C7orf78: variants seen among roughly 807,000 people sequenced by gnomAD.
C7orf78 encodes putative uncharacterized protein C7orf78.
At chr7:12,486,883 T>C in the C7orf78 span, 1 of 150,762 alleles carries the variant, frequency 6.6e-6, no homozygotes. Context: ...AATAAACTGA[T>C]AAATTATTGT....
chr7:12,506,885 A>C, the C7orf78 span: 1 of 473,588 alleles, frequency 2.1e-6, no homozygotes, highest in Non-Finnish European at 4.3e-6. Context: ...TTGTATAACA[A>C]GTTTAAGAAC....
chr7:12,519,757 C>T, the C7orf78 span, among the ~76,000 whole-genome samples: 6 of 152,282 alleles, frequency 3.9e-5, no homozygotes, highest in South Asian at 4.1e-4. Flanking sequence ...GTACTGGGGA[C>T]CCCAAGCATC....
chr7:12,502,848 G>T, the C7orf78 span, among the ~76,000 whole-genome samples: 1 of 139,706 alleles, frequency 7.2e-6, no homozygotes, highest in Non-Finnish European at 1.5e-5. Context: ...GTCCAAGAAT[G>T]ATAGACTGGA....
chr7:12,532,547 TCAAAAAAAAAAAAAAGAAAAA>T, the C7orf78 span, among the ~76,000 whole-genome samples: 1 of 95,274 alleles, frequency 1.0e-5, no homozygotes, highest in Admixed American at 1.2e-4. Context: ...AGACTCTGTT[TCAAAAAAAAAAAAAAGAAAAA>T]GAAAAACCTT....
the C7orf78 span, among the ~76,000 whole-genome samples, chr7:12,499,133 C>G: frequency 6.6e-6 from 1 of 152,108 alleles, no homozygotes; most frequent in African/African-American, 2.4e-5. Context: ...CAAAATCATG[C>G]CAAAATGTAA....
chr7:12,521,135 T>G, the C7orf78 span, among the ~76,000 whole-genome samples: 1 of 152,094 alleles, frequency 6.6e-6, no homozygotes, highest in Non-Finnish European at 1.5e-5. Flanking sequence ...TTCTTGTAGG[T>G]AGCAAATAAT....
the C7orf78 span, chr7:12,542,062 T>C: frequency 1.2e-4 from 18 of 152,214 alleles, no homozygotes; most frequent in African/African-American, 4.1e-4. Context: ...TTGATGATTA[T>C]AATTGAAAAT....
the C7orf78 span, among the ~76,000 whole-genome samples, chr7:12,494,109 AC>A: frequency 6.6e-6 from 1 of 152,210 alleles, no homozygotes; most frequent in African/African-American, 2.4e-5. Context: ...ATTATAAACC[AC>A]TGGAGGATGA....
the C7orf78 span, chr7:12,528,882 A>G: frequency 1.3e-5 from 5 of 398,230 alleles, no homozygotes; most frequent in African/African-American, 2.1e-5. Flanking sequence ...TAAGCCTCTC[A>G]TTTGTCTTCC....
At chr7:12,484,585 A>G in the C7orf78 span, among the ~76,000 whole-genome samples, 1 of 152,154 alleles carries the variant, frequency 6.6e-6, no homozygotes, top group Non-Finnish European at 1.5e-5. Context: ...TGTATGTATA[A>G]TGTATAACGT....
chr7:12,532,823 G>C, the C7orf78 span, among the ~76,000 whole-genome samples: 88 of 152,240 alleles, frequency 5.8e-4, 1 homozygote, highest in African/African-American at 2.0e-3. Flanking sequence ...TTGATCTTTG[G>C]ATTTCTATGA....
chr7:12,488,224 C>A, the C7orf78 span, among the ~76,000 whole-genome samples: 2 of 151,938 alleles, frequency 1.3e-5, no homozygotes, highest in South Asian at 4.1e-4. Flanking sequence ...AATTTGAAAA[C>A]CATCTATCTT....
chr7:12,531,868 GA>G, the C7orf78 span, among the ~76,000 whole-genome samples: 1 of 152,110 alleles, frequency 6.6e-6, no homozygotes, highest in Non-Finnish European at 1.5e-5. Flanking sequence ...CAGAGAGAGA[GA>G]AACATCGGAA....
the C7orf78 span, among the ~76,000 whole-genome samples, chr7:12,497,587 C>T: frequency 6.6e-6 from 1 of 152,144 alleles, no homozygotes; most frequent in African/African-American, 2.4e-5. Context: ...GGGTCCTACC[C>T]CACGGAGTCT....
the C7orf78 span, among the ~76,000 whole-genome samples, chr7:12,526,459 A>G: frequency 2.6e-5 from 4 of 152,160 alleles, no homozygotes; most frequent in African/African-American, 9.7e-5. Flanking sequence ...TAGGAGGGAC[A>G]ATATCTGAAT....
chr7:12,506,052 C>G, the C7orf78 span: 1 of 152,764 alleles, frequency 6.5e-6, no homozygotes, highest in Non-Finnish European at 1.5e-5. Flanking sequence ...CACAATGCAA[C>G]AAGCTCAGAA....
chr7:12,535,429 G>A, the C7orf78 span, among the ~76,000 whole-genome samples: 1 of 152,100 alleles, frequency 6.6e-6, no homozygotes, highest in African/African-American at 2.4e-5. Flanking sequence ...GAACAGCATG[G>A]GAAAGAACTG....
At chr7:12,538,383 T>C in the C7orf78 span, 1 of 152,278 alleles carries the variant, frequency 6.6e-6, no homozygotes, top group African/African-American at 2.4e-5. Flanking sequence ...CTCCATTGCT[T>C]CTTGGTCTGC....
the C7orf78 span, among the ~76,000 whole-genome samples, chr7:12,492,931 G>T: frequency 6.6e-6 from 1 of 152,266 alleles, no homozygotes; most frequent in East Asian, 1.9e-4. Context: ...ACACTGGTGC[G>T]GTGGCTCATG....
Sources: gnomAD v4.1 joint callset for allele counts (sites outside exome capture counted in the v4.1 genomes callset) on GRCh38, gnomAD v4.1.1 for gene constraint, MANE v1.5 for transcripts, NCBI Gene and HGNC (gene_info 2026-07-23, HGNC 2026-07-21) for gene names.